Variants in DENND6A observed in about 807,000 individuals in gnomAD.
DENND6A encodes the protein DENN domain containing 6A.
In DENND6A, 43 loss-of-function variants were observed where a neutral mutation model predicts 95.5. The ratio of observed to expected loss-of-function variants is 0.45; its 90% CI spans 0.35 to 0.58. The LOEUF (loss-of-function observed/expected upper bound fraction) is 0.58. Among genes scored for constraint, DENND6A ranks in the 20% least tolerant of loss-of-function variants. The pLI is 0.00. For synonymous variants in DENND6A, 257 were observed against 260.4 expected, an observed-to-expected ratio of 0.99 and a Z score of 0.13; for missense variants, 574 against 736.0, an observed-to-expected ratio of 0.78 and a Z score of 2.55.
chr3:57,691,073 A>G (rs1381972330), intron 1 of DENND6A, among the ~76,000 whole-genome samples: 2 of 152,230 alleles, frequency 1.3e-5, no homozygotes, highest in African/African-American at 4.8e-5. Flanking sequence ...TTTTCTGTTT[A>G]TTTGGTCAAA....
At chr3:57,645,069 T>C (rs1338391087) in intron 11 of DENND6A, among the ~76,000 whole-genome samples, 1 of 152,072 alleles carries the variant, frequency 6.6e-6, no homozygotes, top group Non-Finnish European at 1.5e-5. Context: ...AGGGTAAGAT[T>C]ATTTTTTCTT....
At chr3:57,630,338 A>G in intron 18 of DENND6A, 83 bp downstream of exon 18, 1 of 1,244,522 alleles carries the variant, frequency 8.0e-7, no homozygotes. Flanking sequence ...GAGTGGATAA[A>G]GGGTACAATC....
chr3:57,663,151 C>CAAAAAAA (rs754194795), intron 5 of DENND6A, among the ~76,000 whole-genome samples: 3 of 40,116 alleles, frequency 7.5e-5, no homozygotes, highest in African/African-American at 8.8e-5. Flanking sequence ...AACTCCATAT[C>CAAAAAAA]AAAAAAAAAA....
At chr3:57,682,703 T>C (rs2077177650) in intron 1 of DENND6A, among the ~76,000 whole-genome samples, 1 of 152,070 alleles carries the variant, frequency 6.6e-6, no homozygotes, top group Non-Finnish European at 1.5e-5. Context: ...TGAGATGGAG[T>C]CTGGCTTTGT....
Position 57,628,335 on chromosome 3 carries a change from T to C in DENND6A, c.1706A>G (p.Asp569Gly). 1 of 1,614,020 alleles carries C rather than the reference T, an allele frequency of 6.2e-7. No homozygotes were observed. Among genetic ancestry groups the C allele is most frequent in the Non-Finnish European group, 8.5e-7 (1 of 1,179,968 alleles). Reference protein sequence around the residue: ...LKLKNKLLQADREHLPVKPDT... With the variant: ...LKLKNKLLQAGREHLPVKPDT... ...AGGTTTCACAGGTAAGTGCTCTCGATCAGCCTGCAACTACATAAGGAACAT... is the reference window on the plus strand; with the variant it reads ...AGGTTTCACAGGTAAGTGCTCTCGACCAGCCTGCAACTACATAAGGAACAT... The change falls in exon 20 of 20, where the codon GAT becomes GGT. Residue 569 changes from aspartate to glycine, a missense_variant. Transcript: ENST00000311128.
chr3:57,685,372 G>A (rs1259350561), intron 1 of DENND6A, among the ~76,000 whole-genome samples: 1 of 151,982 alleles, frequency 6.6e-6, no homozygotes, highest in African/African-American at 2.4e-5. Flanking sequence ...CTATATTCAG[G>A]TTGAGTATTC....
chr3:57,662,589 CTT>C (rs1454733817), intron 5 of DENND6A, among the ~76,000 whole-genome samples: 2 of 151,822 alleles, frequency 1.3e-5, no homozygotes, highest in Non-Finnish European at 2.9e-5. Context: ...TTTACTGGCT[CTT>C]AAAAAAAATA....
intron 9 of DENND6A, among the ~76,000 whole-genome samples, chr3:57,654,245 G>A (rs1056954882): frequency 7.9e-5 from 12 of 151,852 alleles, no homozygotes; most frequent in Admixed American, 2.6e-4. Context: ...GTGAGCCACC[G>A]TGCCCAGCCA....
At chr3:57,691,980 C>G (rs2077270065) in intron 1 of DENND6A, among the ~76,000 whole-genome samples, 1 of 151,718 alleles carries the variant, frequency 6.6e-6, no homozygotes. Context: ...GCATGTAATC[C>G]CACCACTTTG....
intron 9 of DENND6A, among the ~76,000 whole-genome samples, chr3:57,650,015 C>T (rs1001020587): frequency 6.6e-6 from 1 of 151,728 alleles, no homozygotes; most frequent in Admixed American, 6.6e-5. Flanking sequence ...AATTGGAGAC[C>T]ATTATTCTAA....
chr3:57,666,061 T>G, intron 4 of DENND6A, 62 bp downstream of exon 4: 1 of 1,383,806 alleles, frequency 7.2e-7, no homozygotes, highest in Non-Finnish European at 1.0e-6. Context: ...CAGCGGTAAC[T>G]GAATAAATGA....
At chr3:57,670,398 TA>T (rs1195298112) in intron 3 of DENND6A, among the ~76,000 whole-genome samples, 2 of 152,190 alleles carry the variant, frequency 1.3e-5, no homozygotes, top group Non-Finnish European at 1.5e-5. Flanking sequence ...TTTGGACTTC[TA>T]GGGGTGGTAA....
chr3:57,626,803 A>C lies in DENND6A; in HGVS notation c.*1411T>G, dbSNP rs2070539880. The C allele has an allele frequency of 6.6e-6, 1 of 152,618 alleles. No individual in the cohort carries two copies. Among genetic ancestry groups the C allele is most frequent in the Non-Finnish European group, 1.5e-5 (1 of 68,024 alleles). 9.5% of individuals were successfully genotyped at this position (152,618 alleles called of 1,614,324 possible). On this transcript the variant is annotated 3_prime_UTR_variant, in exon 20 of 20. Transcript: ENST00000311128. ...AAATCACATTCTTCTATTTTTGGCA[A>C]GGTAGTATTGTTTAAACAAAACAGA...
rs150425570 is a variant in DENND6A, at chr3:57,685,015, G to A, written c.237+7767C>T. Among the ~76,000 whole-genome samples the A allele has an allele frequency of 3.4e-4, 52 of 152,222 alleles. No individual in the cohort carries two copies. The East Asian group carries it at 8.3e-3, about 24-fold the overall frequency. The stretch of plus-strand genomic sequence containing the variant: ...TGCAACCTCCGCCTCCCTGGTTCAA[G>A]TGATCCTCCTGCCTCAGCCTCCAGA... On this transcript the variant is annotated intron_variant, in intron 1 of 19. Transcript: ENST00000311128.
intron 3 of DENND6A, among the ~76,000 whole-genome samples, chr3:57,670,683 T>A (rs184828571): frequency 6.6e-6 from 1 of 152,286 alleles, no homozygotes; most frequent in Non-Finnish European, 1.5e-5. Flanking sequence ...AAATAATTCT[T>A]AAGCCAAAGT....
chr3:57,678,126 T>A (rs2077125778), intron 1 of DENND6A, among the ~76,000 whole-genome samples: 1 of 152,214 alleles, frequency 6.6e-6, no homozygotes, highest in Admixed American at 6.5e-5. Context: ...TCTGTTATAA[T>A]CCACTTAGAC....
intron 14 of DENND6A, among the ~76,000 whole-genome samples, chr3:57,634,109 TCTC>T (rs748352843): frequency 2.6e-5 from 4 of 151,962 alleles, no homozygotes; most frequent in Non-Finnish European, 5.9e-5. Flanking sequence ...GCTAACTTAG[TCTC>T]CTGATTTTCA....
chr3:57,690,370 T>C (rs1249358466), intron 1 of DENND6A, among the ~76,000 whole-genome samples: 1 of 151,392 alleles, frequency 6.6e-6, no homozygotes, highest in Non-Finnish European at 1.5e-5. Flanking sequence ...CCGGGCGTGG[T>C]GCGGGTGCCT....
Position 57,626,986 on chromosome 3 carries a change from CA to C in DENND6A, c.*1227del, listed in dbSNP as rs2070544625. The C allele has an allele frequency of 6.6e-6, 1 of 152,008 alleles. No individual in the cohort carries two copies. The highest frequency in any genetic ancestry group is 2.1e-4 in the South Asian group (1 of 4,820). 9.4% of individuals were successfully genotyped at this position (152,008 alleles called of 1,614,324 possible). A position where few individuals can be genotyped will look rare whatever the true frequency, so the allele number is the denominator to read the frequency against. The stretch of plus-strand genomic sequence containing the variant: ...GCCAGAAATCAATCTTATCATCACT[CA>C]AATAAGTATCACATAAAAAACTCAT... On this transcript the variant is annotated 3_prime_UTR_variant, in exon 20 of 20. Coordinates refer to ENST00000311128, the MANE Select transcript of DENND6A (RefSeq NM_152678.3).
Sources: allele counts gnomAD v4.1 joint callset (sites outside exome capture counted in the v4.1 genomes callset), GRCh38; gene constraint gnomAD v4.1.1; transcripts MANE v1.5; gene names NCBI Gene and HGNC (gene_info 2026-07-23, HGNC 2026-07-21).